Variants in SENP1 observed in about 807,000 individuals in gnomAD.
The protein encoded by SENP1 is SUMO specific peptidase 1, also known as sentrin-specific protease 1.
A neutral mutation model predicts 93.0 loss-of-function variants in SENP1; 21 were observed. That is an observed-to-expected ratio of 0.23 (90% CI 0.16 to 0.33). The LOEUF (loss-of-function observed/expected upper bound fraction) is 0.33. Among genes scored for constraint, SENP1 ranks in the 10% least tolerant of loss-of-function variants. The pLI is 1.00. For missense variants in SENP1, 591 were observed against 758.7 expected, an observed-to-expected ratio of 0.78 and a Z score of 2.60; for synonymous variants, 256 against 259.6, an observed-to-expected ratio of 0.99 and a Z score of 0.13.
chr12:48,072,392 C>G (rs1384857330), intron 8 of SENP1, among the ~76,000 whole-genome samples: 1 of 152,094 alleles, frequency 6.6e-6, no homozygotes, highest in East Asian at 1.9e-4. Context: ...TTCAGGTATG[C>G]CAAAGAGAAG....
chr12:48,101,294 CAAT>C (rs200983442), intron 2 of SENP1, among the ~76,000 whole-genome samples, 172 bp downstream of exon 2: 3 of 152,028 alleles, frequency 2.0e-5, no homozygotes, highest in Admixed American at 6.6e-5. Flanking sequence ...TCAAAAATAG[CAAT>C]AATAATAATT....
At position 48,044,446 on chromosome 12, in the gene SENP1, G is replaced by C. The variant is rs1941220239; in HGVS notation, c.*876C>G. 1.3e-5 allele frequency: 2 copies of C among 151,160 alleles called. No individual in the cohort carries two copies. Among genetic ancestry groups the C allele is most frequent in the African/African-American group, 4.9e-5 (2 of 41,082 alleles). The allele number at this position is 151,160 out of a possible 1,614,324, so 9.4% of individuals were successfully genotyped here. A position where few individuals can be genotyped will look rare whatever the true frequency, so the allele number is the denominator to read the frequency against. ...TAGAAACATATTTAAACTAGCCACAGACCAAACTAGATCTGCATTCATCCA... is the reference window on the plus strand; with the variant it reads ...TAGAAACATATTTAAACTAGCCACACACCAAACTAGATCTGCATTCATCCA... On this transcript the variant is annotated 3_prime_UTR_variant, in exon 18 of 18. Coordinates refer to ENST00000549518, the MANE Select transcript of SENP1 (RefSeq NM_001267594.2).
At position 48,074,532 on chromosome 12, in the gene SENP1, C is replaced by T. The variant is rs570514819; in HGVS notation, c.732G>A (p.Gln244=). The T allele has an allele frequency of 6.8e-6, 11 of 1,613,794 alleles. No individual in the cohort carries two copies. The South Asian group carries it at 9.9e-5, about 14-fold the overall frequency. Residue 244 remains glutamine (Q), a synonymous_variant, in exon 8 of 18, where the codon CAG becomes CAA. Coordinates refer to ENST00000549518, the MANE Select transcript of SENP1 (RefSeq NM_001267594.2). ...ATGATGAAGTATCAGAGCCAATGAT[C>T]TGAGATGCACAAGAGTTTCCATTTT... ...LFKNGNSCAS[Q]IIGSDTSSSG...
At chr12:48,091,343 G>A (rs973110430) in intron 4 of SENP1, among the ~76,000 whole-genome samples, 2 of 151,966 alleles carry the variant, frequency 1.3e-5, no homozygotes, top group Non-Finnish European at 2.9e-5. Flanking sequence ...CCAGTTACTA[G>A]GGAGGCTGAG....
chr12:48,058,410 T>G (rs1470825903), intron 13 of SENP1, among the ~76,000 whole-genome samples: 4 of 152,184 alleles, frequency 2.6e-5, no homozygotes, highest in African/African-American at 9.7e-5. Context: ...TTTGTTCTTT[T>G]TATCTTTTTT....
intron 1 of SENP1, chr12:48,105,528 A>G: frequency 3.9e-6 from 2 of 512,930 alleles, no homozygotes; most frequent in Non-Finnish European, 7.8e-6. Context: ...GAGATACCAC[A>G]GAGTAGGAGA....
intron 5 of SENP1, chr12:48,085,269 A>G (rs926129702): frequency 5.6e-5 from 87 of 1,553,914 alleles, no homozygotes; most frequent in Non-Finnish European, 7.3e-5. Flanking sequence ...CAACCAGTAC[A>G]TCGCAGAGAT....
At chr12:48,075,976 A>T (rs1375579397) in intron 6 of SENP1, among the ~76,000 whole-genome samples, 1 of 152,224 alleles carries the variant, frequency 6.6e-6, no homozygotes, top group African/African-American at 2.4e-5. Flanking sequence ...AAGGTGCTTA[A>T]TGCGTTCCAA....
At chr12:48,078,334 T>TATATATATATATATATATATATATAC in intron 6 of SENP1, among the ~76,000 whole-genome samples, 743 of 67,468 alleles carry the variant, frequency 0.011, 12 homozygotes, top group African/African-American at 0.025. Context: ...TATATATATA[T>TATATATATATATATATATATATATAC]ACACACACAT....
rs529262863 is a variant in SENP1, at chr12:48,044,418, G to A, written c.*904C>T. ...TGTATATATATATGAAATTCTCTGT[G>A]GTTAGAAACATATTTAAACTAGCCA... On this transcript the variant is annotated 3_prime_UTR_variant, in exon 18 of 18. Transcript: ENST00000549518. The A allele has an allele frequency of 2.0e-5, 3 of 149,876 alleles. No individual in the cohort carries two copies. The South Asian group carries it at 6.3e-4, about 32-fold the overall frequency. The allele number at this position is 149,876 out of a possible 1,614,324, so 9.3% of individuals were successfully genotyped here.
At chr12:48,100,500 G>A (rs1413203061) in intron 2 of SENP1, among the ~76,000 whole-genome samples, 4 of 150,930 alleles carry the variant, frequency 2.7e-5, no homozygotes, top group African/African-American at 7.3e-5. Context: ...ACTTGGCGGC[G>A]CACGCATGTT....
Position 48,045,214 on chromosome 12 carries a change from G to A in SENP1, c.*108C>T, listed in dbSNP as rs1941270429. Reference sequence around the variant, plus strand: ...CGCCAGGGCCTGGTCCAGGATCAAGGGTGTTACAACAGCAGAGGGCTGGGA... The same window carrying A: ...CGCCAGGGCCTGGTCCAGGATCAAGAGTGTTACAACAGCAGAGGGCTGGGA... On this transcript the variant is annotated 3_prime_UTR_variant, in exon 18 of 18. Coordinates refer to ENST00000549518, the MANE Select transcript of SENP1 (RefSeq NM_001267594.2). The A allele has an allele frequency of 2.4e-6, 2 of 838,608 alleles. No individual in the cohort carries two copies. The highest frequency in any genetic ancestry group is 1.7e-5 in the African/African-American group (1 of 59,926). The allele number at this position is 838,608 out of a possible 1,614,324, so 51.9% of individuals were successfully genotyped here. A position where few individuals can be genotyped will look rare whatever the true frequency, so the allele number is the denominator to read the frequency against.
At chr12:48,094,236 C>G (rs1053688779) in intron 4 of SENP1, among the ~76,000 whole-genome samples, 2 of 152,030 alleles carry the variant, frequency 1.3e-5, no homozygotes, top group South Asian at 4.1e-4. Context: ...AAACATTAGC[C>G]AGGCATGGTG....
intron 1 of SENP1, among the ~76,000 whole-genome samples, chr12:48,102,293 G>A (rs1411088017): frequency 6.6e-6 from 1 of 151,972 alleles, no homozygotes; most frequent in African/African-American, 2.4e-5. Flanking sequence ...TTAGCCAGGT[G>A]TGGTGATACG....
intron 5 of SENP1, chr12:48,085,113 A>G: frequency 2.2e-6 from 3 of 1,393,146 alleles, no homozygotes; most frequent in Non-Finnish European, 3.0e-6. Context: ...GGACACGGTG[A>G]CTGGTTTCCT....
Position 48,105,939 on chromosome 12 carries a change from G to A in SENP1, c.-45+89C>T, listed in dbSNP as rs887564422. On this transcript the variant is annotated intron_variant, in intron 1 of 17. Transcript: ENST00000549518. ...GTGCTCCCCGCTTCCGCCCAGTCCA[G>A]CCCGGGCCGGCTGACCGGGTCCGAC... The A allele has an allele frequency of 8.7e-6, 6 of 689,108 alleles. No individual in the cohort carries two copies. The African/African-American group carries it at 1.1e-4, about 12-fold the overall frequency. 42.7% of individuals were successfully genotyped at this position (689,108 alleles called of 1,614,324 possible).
intron 6 of SENP1, among the ~76,000 whole-genome samples, chr12:48,077,718 G>A (rs1444271778): frequency 6.6e-6 from 1 of 151,892 alleles, no homozygotes; most frequent in Non-Finnish European, 1.5e-5. Context: ...ATCTCCTAAT[G>A]CTATTCCTCC....
At chr12:48,050,007 T>G (rs1941673112) in intron 13 of SENP1, among the ~76,000 whole-genome samples, 1 of 152,196 alleles carries the variant, frequency 6.6e-6, no homozygotes, top group African/African-American at 2.4e-5. Context: ...AAACGACATC[T>G]TCTCTAATAG....
intron 13 of SENP1, among the ~76,000 whole-genome samples, chr12:48,056,063 T>C (rs1207271116): frequency 8.0e-6 from 1 of 125,528 alleles, no homozygotes; most frequent in Non-Finnish European, 1.5e-5. Flanking sequence ...GTATACTTAA[T>C]ATACAGTATA....
Sources: allele counts gnomAD v4.1 joint callset (sites outside exome capture counted in the v4.1 genomes callset), GRCh38; gene constraint gnomAD v4.1.1; transcripts MANE v1.5; gene names NCBI Gene and HGNC (gene_info 2026-07-23, HGNC 2026-07-21).